The following TENM2 variants were observed in gnomAD, a reference collection of about 807,000 sequenced individuals.
The protein encoded by TENM2 is teneurin-2.
TENM2 carries 52 observed loss-of-function variants against 245.2 expected under a neutral mutation model. That is an observed-to-expected ratio of 0.21 (90% confidence interval 0.17 to 0.27). The LOEUF is 0.27. TENM2 is among the 10% of genes least tolerant of loss of function. The pLI is 1.00. For synonymous variants in TENM2, 1,363 were observed against 1,438.9 expected (o/e 0.95, Z 1.19); for missense variants, 3,046 against 3,666.8 (o/e 0.83, Z 4.37).
chr5:167,632,441 C>G (rs922130591), intron 2 of TENM2, among the ~76,000 whole-genome samples: 1 of 152,156 alleles, frequency 6.6e-6, no homozygotes, highest in Admixed American at 6.5e-5. Context: ...ATCAATAATT[C>G]TACTCAGCAC....
rs76944833 is a variant in TENM2 at position 167,721,117 on chromosome 5, G to A, written c.503-154869G>A. ...TACTACAATATTAAGGGATTTAACA[G>A]CCTTAAGACCTTTTGTCCTTCAATC... On this transcript the variant is annotated intron_variant, in intron 2 of 28. Coordinates refer to ENST00000518659, the Ensembl canonical transcript of TENM2. Among the ~76,000 whole-genome samples, 5 of 152,144 alleles carry A rather than the reference G, an allele frequency of 3.3e-5. No homozygotes were observed. In the East Asian group the frequency reaches 9.7e-4, roughly 30 times the overall value.
the TENM2 span, among the ~76,000 whole-genome samples, chr5:167,122,066 C>T: frequency 1.3e-5 from 2 of 152,100 alleles, no homozygotes; most frequent in Non-Finnish European, 2.9e-5. Context: ...GATTAAATTA[C>T]TTGAGTTCAG....
intron 2 of TENM2, among the ~76,000 whole-genome samples, chr5:167,603,097 G>GA: frequency 6.6e-6 from 1 of 152,120 alleles, no homozygotes. Flanking sequence ...GACAAGAAGA[G>GA]AAAAAGTGGT....
chr5:167,641,133 A>T (rs1779586516), intron 2 of TENM2, among the ~76,000 whole-genome samples: 1 of 151,782 alleles, frequency 6.6e-6, no homozygotes, highest in Admixed American at 6.6e-5. Flanking sequence ...AAGGCAAACA[A>T]AATAACTTTT....
intron 2 of TENM2, among the ~76,000 whole-genome samples, chr5:167,757,031 C>CT (rs1561745347): frequency 6.7e-6 from 1 of 149,470 alleles, no homozygotes; most frequent in Non-Finnish European, 1.5e-5. Flanking sequence ...CCTTTTCTTT[C>CT]TTTTTTCTTT....
chr5:167,563,202 A>G (rs957997174), intron 2 of TENM2, among the ~76,000 whole-genome samples: 1 of 152,164 alleles, frequency 6.6e-6, no homozygotes, highest in Non-Finnish European at 1.5e-5. Context: ...TGTCTTCCAC[A>G]AAAAGATCAG....
the TENM2 span, among the ~76,000 whole-genome samples, chr5:167,207,417 G>C: frequency 2.0e-5 from 3 of 152,226 alleles, no homozygotes; most frequent in East Asian, 5.8e-4. Flanking sequence ...TTTAAAGCAA[G>C]TTGGAAATCT....
intron 2 of TENM2, among the ~76,000 whole-genome samples, chr5:167,713,724 G>T (rs933920143): frequency 1.3e-5 from 2 of 152,172 alleles, no homozygotes; most frequent in Non-Finnish European, 2.9e-5. Context: ...ACATGCATAT[G>T]CATATTCATG....
At chr5:167,858,820 G>A (rs1372623028) in intron 2 of TENM2, among the ~76,000 whole-genome samples, 2 of 148,238 alleles carry the variant, frequency 1.3e-5, no homozygotes, top group South Asian at 2.1e-4. Context: ...AGCGCCGCCC[G>A]GGAGGCAGCG....
At chr5:167,423,519 A>C (rs1314645160) in intron 2 of TENM2, among the ~76,000 whole-genome samples, 1 of 152,194 alleles carries the variant, frequency 6.6e-6, no homozygotes, top group Non-Finnish European at 1.5e-5. Flanking sequence ...TGTTTATGCA[A>C]ATTAGGGAAA....
chr5:167,814,665 A>AT (rs1444381792), intron 2 of TENM2, among the ~76,000 whole-genome samples: 1 of 150,772 alleles, frequency 6.6e-6, no homozygotes, highest in Non-Finnish European at 1.5e-5. Context: ...ATTGTAATAT[A>AT]TTTTAGGAAA....
At chr5:167,037,774 G>T in the TENM2 span, among the ~76,000 whole-genome samples, 1 of 152,210 alleles carries the variant, frequency 6.6e-6, no homozygotes, top group Non-Finnish European at 1.5e-5. Context: ...ACAGGCACTT[G>T]TGAAGGGGCA....
intron 1 of TENM2, among the ~76,000 whole-genome samples, chr5:167,336,586 A>G (rs545137544): frequency 6.6e-6 from 1 of 151,772 alleles, no homozygotes; most frequent in East Asian, 1.9e-4. Context: ...GGCTCCTTAT[A>G]CTCTTTCTAA....
intron 2 of TENM2, among the ~76,000 whole-genome samples, chr5:167,640,880 T>TCC (rs1354812925): frequency 1.7e-4 from 11 of 62,946 alleles, no homozygotes; most frequent in African/African-American, 1.1e-3. Context: ...TATATATATA[T>TCC]ATATATATAT....
intron 9 of TENM2, among the ~76,000 whole-genome samples, chr5:168,114,173 A>G (rs984267280): frequency 2.0e-5 from 3 of 152,198 alleles, no homozygotes; most frequent in African/African-American, 7.2e-5. Context: ...TGTGAGCCAT[A>G]CATGTTACCT....
chr5:167,819,112 A>C (rs143277576), intron 2 of TENM2, among the ~76,000 whole-genome samples: 3 of 151,876 alleles, frequency 2.0e-5, no homozygotes, highest in Admixed American at 2.0e-4. Flanking sequence ...GCTACTCTTC[A>C]TTCATTTATT....
the TENM2 span, among the ~76,000 whole-genome samples, chr5:167,084,382 A>T: frequency 1.3e-5 from 1 of 76,204 alleles, no homozygotes; most frequent in Non-Finnish European, 2.7e-5. Context: ...TCAGATTGAG[A>T]ATTTTCCCAA....
chr5:168,147,146 C>A (rs1316392213), intron 12 of TENM2, among the ~76,000 whole-genome samples: 3 of 152,248 alleles, frequency 2.0e-5, no homozygotes, highest in Admixed American at 6.5e-5. Flanking sequence ...TTTCCACCAA[C>A]TTTTCATTAA....
intron 5 of TENM2, among the ~76,000 whole-genome samples, chr5:168,024,853 AAAAAGTATATTCTTGTCCCT>A (rs1351410174): frequency 1.3e-5 from 2 of 152,170 alleles, no homozygotes; most frequent in African/African-American, 4.8e-5. Flanking sequence ...CCTTAGCTGC[AAAAAGTATATTCTTGTCCCT>A]AAATTCTCCA....
Sources: allele counts gnomAD v4.1 joint callset (sites outside exome capture counted in the v4.1 genomes callset), GRCh38; gene constraint gnomAD v4.1.1; transcripts MANE v1.5; gene names NCBI Gene and HGNC (gene_info 2026-07-23, HGNC 2026-07-21).